The following SGCD variants were observed in gnomAD, a reference collection of about 807,000 sequenced individuals.
SGCD encodes sarcoglycan delta.
SGCD carries 18 observed loss-of-function variants against 36.6 expected under a neutral mutation model. That is an observed-to-expected ratio of 0.49 (90% CI 0.34 to 0.73). SGCD has a LOEUF of 0.73. Among genes scored for constraint, SGCD ranks in the 30% least tolerant of loss-of-function variants. The pLI, the probability that SGCD is intolerant of heterozygous loss-of-function variation, is 0.01. For synonymous variants in SGCD, 133 were observed against 130.6 expected (o/e 1.02, Z -0.12); for missense variants, 387 against 346.7 (o/e 1.12, Z -0.92).
chr5:155,938,393 G>C (rs1757259451), intron 1 of SGCD, among the ~76,000 whole-genome samples: 1 of 152,004 alleles, frequency 6.6e-6, no homozygotes, highest in Non-Finnish European at 1.5e-5. Flanking sequence ...TCTGAGTTTG[G>C]GACTCAAAAA....
At chr5:155,796,541 T>C in the SGCD span, among the ~76,000 whole-genome samples, 1 of 151,240 alleles carries the variant, frequency 6.6e-6, no homozygotes, top group Non-Finnish European at 1.5e-5. Flanking sequence ...CGGTGGCTCA[T>C]GTCTGTAATC....
At chr5:156,717,207 AAG>A (rs747839372) in intron 7 of SGCD, among the ~76,000 whole-genome samples, 88 of 152,310 alleles carry the variant, frequency 5.8e-4, no homozygotes, top group Non-Finnish European at 1.2e-3. Flanking sequence ...GGATGCCTCA[AAG>A]AGAGAGAAAC....
chr5:156,739,176 A>AACTAG (rs1204713084), intron 7 of SGCD, among the ~76,000 whole-genome samples: 1 of 152,198 alleles, frequency 6.6e-6, no homozygotes, highest in Non-Finnish European at 1.5e-5. Context: ...ATTCTAATGC[A>AACTAG]ACTAGACTGC....
At chr5:155,778,435 G>A in the SGCD span, among the ~76,000 whole-genome samples, 22 of 152,104 alleles carry the variant, frequency 1.4e-4, no homozygotes, top group Non-Finnish European at 2.6e-4. Context: ...GAAGAGAAGA[G>A]AATAAAACCC....
chr5:156,125,136 A>T (rs1762139598), intron 3 of SGCD, among the ~76,000 whole-genome samples: 1 of 152,206 alleles, frequency 6.6e-6, no homozygotes, highest in Admixed American at 6.5e-5. Flanking sequence ...TGAAAATTCC[A>T]TTGGTAACTC....
chr5:155,873,779 A>G, intron 1 of SGCD, among the ~76,000 whole-genome samples: 1 of 152,322 alleles, frequency 6.6e-6, no homozygotes, highest in East Asian at 1.9e-4. Flanking sequence ...ACCACTTTGC[A>G]GTTATAATTT....
At chr5:155,731,098 G>A in the SGCD span, among the ~76,000 whole-genome samples, 6,348 of 152,054 alleles carry the variant, frequency 0.042, 268 homozygotes, top group African/African-American at 0.11. Context: ...AGAGTAAGAA[G>A]AAAAAGGAGA....
intron 4 of SGCD, among the ~76,000 whole-genome samples, chr5:156,583,846 G>GA (rs1760383009): frequency 1.3e-5 from 2 of 152,164 alleles, no homozygotes; most frequent in South Asian, 2.1e-4. Context: ...ATAATAGTGG[G>GA]AAAAAATAAT....
chr5:156,031,854 C>T (rs1759354723), intron 1 of SGCD, among the ~76,000 whole-genome samples: 2 of 152,050 alleles, frequency 1.3e-5, no homozygotes, highest in South Asian at 4.2e-4. Context: ...ATTCCAGGGC[C>T]CAAGTCCTAA....
At chr5:156,249,909 A>G (rs1289382104) in intron 3 of SGCD, among the ~76,000 whole-genome samples, 1 of 152,196 alleles carries the variant, frequency 6.6e-6, no homozygotes, top group Non-Finnish European at 1.5e-5. Flanking sequence ...TATAATGGAA[A>G]AGGTCTTTGA....
chr5:155,954,444 A>T (rs1757606190), intron 1 of SGCD, among the ~76,000 whole-genome samples: 1 of 152,164 alleles, frequency 6.6e-6, no homozygotes, highest in Non-Finnish European at 1.5e-5. Flanking sequence ...TTAAATTAAT[A>T]CTGCAACAGC....
At chr5:155,922,791 C>T (rs1267992142) in intron 1 of SGCD, among the ~76,000 whole-genome samples, 3 of 152,054 alleles carry the variant, frequency 2.0e-5, no homozygotes, top group African/African-American at 4.8e-5. Context: ...GTATTTTTAG[C>T]CCCCAAAGAA....
At chr5:156,749,042 GGCGTGAGCCA>G (rs754392693) in intron 7 of SGCD, among the ~76,000 whole-genome samples, 2 of 152,108 alleles carry the variant, frequency 1.3e-5, no homozygotes, top group Non-Finnish European at 2.9e-5. Context: ...TAGGATTATA[GGCGTGAGCCA>G]TTGAGCCCGG....
At chr5:156,530,808 G>A (rs899717170) in intron 4 of SGCD, among the ~76,000 whole-genome samples, 1 of 151,864 alleles carries the variant, frequency 6.6e-6, no homozygotes, top group Non-Finnish European at 1.5e-5. Flanking sequence ...TCGAACTCCT[G>A]ACCTCGTGAT....
chr5:155,788,143 T>C, the SGCD span, among the ~76,000 whole-genome samples: 1 of 152,172 alleles, frequency 6.6e-6, no homozygotes, highest in Admixed American at 6.6e-5. Flanking sequence ...AGCATTCTAT[T>C]TTTTCAATTA....
intron 3 of SGCD, among the ~76,000 whole-genome samples, chr5:156,209,213 G>T (rs1303804262): frequency 6.6e-6 from 1 of 152,118 alleles, no homozygotes; most frequent in East Asian, 1.9e-4. Flanking sequence ...AGAGGACTTG[G>T]TCTCTGTGTT....
At chr5:156,098,735 A>G (rs910069594) in intron 1 of SGCD, among the ~76,000 whole-genome samples, 5 of 152,052 alleles carry the variant, frequency 3.3e-5, no homozygotes, top group African/African-American at 4.8e-5. Flanking sequence ...ATTACATAGT[A>G]TTTTTTCACC....
At chr5:155,981,225 T>C (rs927926402) in intron 1 of SGCD, among the ~76,000 whole-genome samples, 2 of 152,028 alleles carry the variant, frequency 1.3e-5, no homozygotes, top group Non-Finnish European at 2.9e-5. Context: ...CGTGGCTCAG[T>C]TCAATCTCAG....
chr5:156,082,833 C>T lies in SGCD; in HGVS notation c.-281-35045C>T, dbSNP rs972625951. Among the ~76,000 whole-genome samples, 7 of 152,250 alleles carry T rather than the reference C, an allele frequency of 4.6e-5. No homozygotes were observed. In the South Asian group the frequency reaches 1.5e-3, roughly 32 times the overall value. ...ATGTTTAATTTTTTTTGCAAAACTT[C>T]AAAACTGTTTTCCCAAAGTGGCTGT... is the stretch of plus-strand genomic sequence containing the variant. On this transcript the variant is annotated intron_variant, in intron 1 of 9. Transcript: ENST00000517913.
Sources: gnomAD v4.1 joint callset for allele counts (sites outside exome capture counted in the v4.1 genomes callset) on GRCh38, gnomAD v4.1.1 for gene constraint, MANE v1.5 for transcripts, NCBI Gene and HGNC (gene_info 2026-07-23, HGNC 2026-07-21) for gene names.